The following UNC79 variants were observed in gnomAD, a reference collection of about 807,000 sequenced individuals.
UNC79 encodes unc-79 subunit of NALCN channel complex.
A neutral mutation model predicts 283.1 loss-of-function variants in UNC79; 37 were observed. The ratio of observed to expected loss-of-function variants is 0.13; its 90% CI spans 0.10 to 0.17. The LOEUF is 0.17. Ranked by LOEUF, UNC79 falls within the 10% of genes least tolerant of loss-of-function variation. UNC79 has a pLI of 1.00. For missense variants in UNC79, 2,272 were observed against 3,211.1 expected (o/e 0.71, Z 7.07); for synonymous variants, 1,107 against 1,200.2 (o/e 0.92, Z 1.61).
exon 40 of UNC79, chr14:93,662,646 C>G (rs2071723725): frequency 1.9e-6 from 3 of 1,611,408 alleles, no homozygotes; most frequent in Non-Finnish European, 2.5e-6. Context: ...CTTTGTAATT[C>G]AGAATGCCGT....
intron 1 of UNC79, among the ~76,000 whole-genome samples, chr14:93,402,361 T>C (rs1243874193): frequency 6.8e-6 from 1 of 146,876 alleles, no homozygotes; most frequent in East Asian, 2.0e-4. Context: ...GTAAATAAAA[T>C]TATTTTTATG....
Position 93,499,045 on chromosome 14 carries a change from C to T in UNC79, c.898+1759C>T, listed in dbSNP as rs553750457. The stretch of plus-strand genomic sequence containing the variant: ...TAACTGAATTCAGGTGTCTGATTTA[C>T]GTTCCCGATGAAAGACTTAAAATCA... On this transcript the variant is annotated intron_variant, in intron 7 of 48. Transcript: ENST00000555664. Among the ~76,000 whole-genome samples the T allele has an allele frequency of 7.2e-5, 11 of 152,294 alleles. No homozygotes were observed. The East Asian group carries it at 9.6e-4, about 13-fold the overall frequency.
At chr14:93,624,631 AG>A (rs1341308001) in intron 30 of UNC79, among the ~76,000 whole-genome samples, 1 of 152,222 alleles carries the variant, frequency 6.6e-6, no homozygotes, top group African/African-American at 2.4e-5. Flanking sequence ...TTAACAGAAC[AG>A]GGGAAAAATA....
chr14:93,571,120 T>A (rs1338491408), intron 14 of UNC79, among the ~76,000 whole-genome samples: 1 of 152,256 alleles, frequency 6.6e-6, no homozygotes, highest in East Asian at 1.9e-4. Flanking sequence ...GAATTCTAGA[T>A]GTAATAAACA....
At chr14:93,389,864 G>C (rs2054849752) in intron 1 of UNC79, among the ~76,000 whole-genome samples, 1 of 152,164 alleles carries the variant, frequency 6.6e-6, no homozygotes, top group South Asian at 2.1e-4. Context: ...TGTTGGCCAG[G>C]CTGGTCTTGA....
chr14:93,581,484 CTTTTTTT>C (rs569060513), intron 19 of UNC79, among the ~76,000 whole-genome samples: 2 of 100,664 alleles, frequency 2.0e-5, no homozygotes, highest in East Asian at 2.9e-4. Context: ...GTATTTGCAT[CTTTTTTT>C]TTTTTTTTTT....
chr14:93,600,361 A>G (rs1175125789), intron 24 of UNC79, among the ~76,000 whole-genome samples: 1 of 148,932 alleles, frequency 6.7e-6, no homozygotes, highest in African/African-American at 2.4e-5. Flanking sequence ...GATATTCTAC[A>G]AGGAAGATAA....
At chr14:93,404,094 A>G (rs905570042) in intron 1 of UNC79, among the ~76,000 whole-genome samples, 8 of 152,160 alleles carry the variant, frequency 5.3e-5, no homozygotes, top group Admixed American at 5.2e-4. Context: ...GTGAGCACAG[A>G]AATTGATAAA....
At chr14:93,381,782 C>T (rs941153698) in intron 1 of UNC79, among the ~76,000 whole-genome samples, 2 of 152,140 alleles carry the variant, frequency 1.3e-5, no homozygotes, top group African/African-American at 2.4e-5. Flanking sequence ...CAAAAGTGTC[C>T]TCTAGAGGAA....
chr14:93,464,379 T>C (rs1340554618), intron 1 of UNC79, among the ~76,000 whole-genome samples: 1 of 152,154 alleles, frequency 6.6e-6, no homozygotes, highest in Admixed American at 6.5e-5. Flanking sequence ...CACGTGGCCT[T>C]TCCTCTGTGT....
chr14:93,630,283 C>T (rs895027619), intron 30 of UNC79, among the ~76,000 whole-genome samples: 4 of 152,126 alleles, frequency 2.6e-5, no homozygotes, highest in African/African-American at 9.7e-5. Context: ...AGACAAGGTG[C>T]TCTGTAATTA....
Position 93,338,299 on chromosome 14 carries a change from C to T in UNC79, c.-351+4776C>T, listed in dbSNP as rs2139869897. 2.0e-5 allele frequency among the ~76,000 whole-genome samples: 3 copies of T among 152,264 alleles called. No homozygotes were observed. In the Middle Eastern group the frequency reaches 0.01, roughly 518 times the overall value. On this transcript the variant is annotated intron_variant, in intron 1 of 49. Coordinates refer to the UNC79 transcript ENST00000256339. Reference sequence around the variant, plus strand: ...AAAGTGTGCACCACCTCCCACCGACCAGTCCATCTCTTGCCATGTGACACT... The same window carrying T: ...AAAGTGTGCACCACCTCCCACCGACTAGTCCATCTCTTGCCATGTGACACT...
intron 26 of UNC79, 111 bp downstream of exon 26, chr14:93,603,529 G>T (rs1426288309): frequency 7.7e-7 from 1 of 1,305,180 alleles, no homozygotes; most frequent in Non-Finnish European, 1.0e-6. Flanking sequence ...AACTGAGTTT[G>T]TTCAATAAGT....
chr14:93,357,914 TCC>T (rs1566890295), intron 1 of UNC79, among the ~76,000 whole-genome samples: 2 of 38,750 alleles, frequency 5.2e-5, no homozygotes, highest in Non-Finnish European at 1.1e-4. Flanking sequence ...TCTATATATA[TCC>T]ATATATATAG....
In UNC79 at chr14:93,622,505, G is replaced by C. The variant is rs776833151; in HGVS notation, c.5272G>C (p.Glu1758Gln). 9.3e-6 allele frequency: 15 copies of C among 1,613,926 alleles called. No individual in the cohort carries two copies. In the African/African-American group the frequency reaches 1.5e-4, roughly 16 times the overall value. The change falls in exon 30 of 49, where the codon GAG (glutamate) becomes CAG (glutamine). Residue 1758 changes from glutamate to glutamine, a missense_variant. By Grantham distance (29) the Glu-to-Gln change is conservative. Around this residue, in one of 11 missense-constraint regions of UNC79, gnomAD observed 580 missense variants for 632.2 expected, o/e 0.92. Transcript: ENST00000555664. ...CCTTCAGAAGTCGTTTGCTCTCCCCGAGATGTCGCTGGATGATCACCCTGA... is the reference window on the plus strand; with the variant it reads ...CCTTCAGAAGTCGTTTGCTCTCCCCCAGATGTCGCTGGATGATCACCCTGA...
At chr14:93,571,991 A>G in exon 15 of UNC79, 1 of 1,614,216 alleles carries the variant, frequency 6.2e-7, no homozygotes, top group Non-Finnish European at 8.5e-7. Flanking sequence ...GTGATCAATC[A>G]ATCTGTCTGG....
At chr14:93,632,862 G>A (rs997733828) in intron 31 of UNC79, among the ~76,000 whole-genome samples, 9 of 151,836 alleles carry the variant, frequency 5.9e-5, no homozygotes, top group Non-Finnish European at 8.8e-5. Flanking sequence ...ATTTAGCTTA[G>A]CACTTAATTA....
intron 22 of UNC79, among the ~76,000 whole-genome samples, chr14:93,587,881 A>G (rs1394115410): frequency 6.6e-6 from 1 of 152,166 alleles, no homozygotes; most frequent in Non-Finnish European, 1.5e-5. Flanking sequence ...TGGATGAATG[A>G]TGAATGATGA....
At chr14:93,515,846 G>A (rs551907049) in intron 7 of UNC79, among the ~76,000 whole-genome samples, 1 of 152,080 alleles carries the variant, frequency 6.6e-6, no homozygotes, top group South Asian at 2.1e-4. Flanking sequence ...GTATTTCAAA[G>A]AGAAGGAGAT....
Sources: gnomAD v4.1 joint callset for allele counts (sites outside exome capture counted in the v4.1 genomes callset) on GRCh38, gnomAD v4.1.1 for gene constraint, gnomAD v4.1.1 regional missense constraint, MANE v1.5 for transcripts, NCBI Gene and HGNC (gene_info 2026-07-23, HGNC 2026-07-21) for gene names.